Variants in VWA5A observed in about 807,000 individuals in gnomAD.
VWA5A encodes von Willebrand factor A domain-containing protein 5A.
VWA5A carries 77 observed loss-of-function variants against 84.6 expected under a neutral mutation model. The ratio of observed to expected loss-of-function variants is 0.91; its 90% CI spans 0.76 to 1.10. VWA5A has a LOEUF of 1.10. Ranked by LOEUF, VWA5A falls within the 50% of genes least tolerant of loss-of-function variation. The pLI, the probability that VWA5A is intolerant of heterozygous loss-of-function variation, is 0.00. For missense variants in VWA5A, 973 were observed against 963.0 expected (o/e 1.01, Z -0.14); for synonymous variants, 334 against 350.1 (o/e 0.95, Z 0.51).
chr11:124,134,524 A>T (rs549952512), intron 11 of VWA5A, among the ~76,000 whole-genome samples: 2 of 152,340 alleles, frequency 1.3e-5, no homozygotes, highest in Admixed American at 6.5e-5. Flanking sequence ...TGGTACCAGC[A>T]CATCATTAGG....
intron 11 of VWA5A, among the ~76,000 whole-genome samples, chr11:124,134,671 C>T (rs576105798): frequency 3.2e-4 from 49 of 152,232 alleles, no homozygotes; most frequent in African/African-American, 1.2e-3. Flanking sequence ...TTTCCTGGGC[C>T]TCCATTTCTT....
intron 15 of VWA5A, among the ~76,000 whole-genome samples, chr11:124,139,762 C>G (rs567929422): frequency 9.3e-4 from 141 of 151,842 alleles, no homozygotes; most frequent in South Asian, 2.5e-3. Context: ...AGTTTAACTT[C>G]CTCTTTTCCA....
intron 18 of VWA5A, 145 bp downstream of exon 18, chr11:124,145,508 C>A: frequency 7.9e-7 from 1 of 1,263,668 alleles, no homozygotes; most frequent in African/African-American, 1.5e-5. Context: ...CTTGGGAGGA[C>A]AAGGGTGAAA....
At chr11:124,139,869 C>T (rs1432353099) in intron 15 of VWA5A, among the ~76,000 whole-genome samples, 1 of 152,058 alleles carries the variant, frequency 6.6e-6, no homozygotes, top group Non-Finnish European at 1.5e-5. Context: ...GCATCCTTGT[C>T]TTGTTTCTGA....
rs188787440 is a variant in VWA5A, at chr11:124,146,560, C to T, written c.*615C>T. 2 of 152,494 alleles carry T rather than the reference C, an allele frequency of 1.3e-5. No individual in the cohort carries two copies. Among genetic ancestry groups the T allele is most frequent in the Non-Finnish European group, 2.9e-5 (2 of 68,218 alleles). The allele number at this position is 152,494 out of a possible 1,614,324, so 9.4% of individuals were successfully genotyped here. On this transcript the variant is annotated 3_prime_UTR_variant, in exon 19 of 19. Coordinates refer to ENST00000456829, the MANE Select transcript of VWA5A (RefSeq NM_001130142.2). ...AACCTACATGTCTTTTCTTCCACTGCCTGAAAGACTTGGGTTGAACTATAA... is the reference window on the plus strand; with the variant it reads ...AACCTACATGTCTTTTCTTCCACTGTCTGAAAGACTTGGGTTGAACTATAA...
chr11:124,130,577 G>T (rs1865081743), intron 11 of VWA5A, among the ~76,000 whole-genome samples: 2 of 152,090 alleles, frequency 1.3e-5, no homozygotes, highest in Non-Finnish European at 2.9e-5. Flanking sequence ...TGAAAGTGGG[G>T]TGTTAAAGTC....
chr11:124,140,873 T>C (rs7103676), intron 15 of VWA5A, among the ~76,000 whole-genome samples: 24,593 of 152,206 alleles, frequency 0.16, 2,283 homozygotes, highest in African/African-American at 0.27. Context: ...CAGGCATGAA[T>C]CTCTGTGCCC....
chr11:124,118,088 C>T (rs1864864543), intron 4 of VWA5A, 101 bp from the exon 5 acceptor site: 13 of 1,354,662 alleles, frequency 9.6e-6, no homozygotes, highest in Non-Finnish European at 1.3e-5. Flanking sequence ...TGTGATTAGA[C>T]AAGACCAATC....
intron 11 of VWA5A, among the ~76,000 whole-genome samples, chr11:124,130,496 A>G (rs537683865): frequency 2.0e-5 from 3 of 152,176 alleles, no homozygotes; most frequent in South Asian, 2.1e-4. Flanking sequence ...TATTAGCTTC[A>G]CTTGGTCCAG....
intron 15 of VWA5A, among the ~76,000 whole-genome samples, chr11:124,138,002 G>A (rs1341567919): frequency 1.3e-5 from 2 of 152,180 alleles, no homozygotes; most frequent in Admixed American, 6.5e-5. Context: ...GGGACTACAG[G>A]TGCATGCCAC....
At chr11:124,124,538 A>G in intron 11 of VWA5A, 1 of 1,287,140 alleles carries the variant, frequency 7.8e-7, no homozygotes, top group Non-Finnish European at 9.8e-7. Context: ...TTTCTAAACT[A>G]CAACGAACAC....
chr11:124,123,327 CCT>C (rs746527354), intron 8 of VWA5A, 37 bp from the exon 9 acceptor site: 2 of 1,584,238 alleles, frequency 1.3e-6, no homozygotes, highest in African/African-American at 2.7e-5. Context: ...TTTTGGCGAG[CCT>C]CTCTCACTCT....
chr11:124,134,944 A>G lies in VWA5A; in HGVS notation c.1269A>G (p.Glu423=). The G allele has an allele frequency of 1.2e-6, 2 of 1,613,318 alleles. No homozygotes were observed. Among genetic ancestry groups the G allele is most frequent in the Non-Finnish European group, 8.5e-7 (1 of 1,179,680 alleles). The part of the protein sequence containing the change: ...KHRCFSFGIG[E]GTSTSLIKGI... ...GGTGTTTCTCATTTGGTATTGGAGA[A>G]GGCACCTCCACCAGCCTAATAAAAG... The change falls in exon 12 of 19, where the codon GAA becomes GAG. Residue 423 remains glutamate, a synonymous_variant. Coordinates refer to ENST00000456829, the MANE Select transcript of VWA5A (RefSeq NM_001130142.2).
intron 8 of VWA5A, 102 bp downstream of exon 8, chr11:124,123,231 C>T: frequency 1.3e-6 from 2 of 1,522,770 alleles, no homozygotes; most frequent in South Asian, 1.3e-5. Context: ...GCAGCACGAC[C>T]ACCCTGAGGC....
rs773675801 is a variant in VWA5A at position 124,119,047 on chromosome 11, C to T, written c.718C>T (p.Pro240Ser). ...LLIYYNEVHT[P>S]SVVLEMGMPN... is the part of the protein sequence containing the mutation. ...GATTTACTACAATGAGGTGCATACC[C>T]CCAGCGTGGTTTTGGAGATGGGGAT... Residue 240 changes from proline to serine, a missense_variant, in exon 7 of 19, where the codon CCC becomes TCC. Coordinates refer to ENST00000456829, the MANE Select transcript of VWA5A (RefSeq NM_001130142.2). The T allele has an allele frequency of 3.7e-6, 6 of 1,614,210 alleles. No homozygotes were observed. The Admixed American group carries it at 6.7e-5, about 18-fold the overall frequency.
intron 2 of VWA5A, among the ~76,000 whole-genome samples, chr11:124,116,945 A>G (rs1864840901): frequency 2.0e-5 from 3 of 152,186 alleles, no homozygotes; most frequent in Admixed American, 2.0e-4. Context: ...TCTCACATGC[A>G]GCGCGTCTCT....
At chr11:124,144,949 C>A (rs1860792402) in intron 17 of VWA5A, among the ~76,000 whole-genome samples, 1 of 152,032 alleles carries the variant, frequency 6.6e-6, no homozygotes, top group Non-Finnish European at 1.5e-5. Context: ...GCAGTTTTGC[C>A]TGTGTTTCTC....
intron 11 of VWA5A, among the ~76,000 whole-genome samples, chr11:124,126,274 A>AC (rs1865017181): frequency 6.6e-6 from 1 of 152,146 alleles, no homozygotes; most frequent in Non-Finnish European, 1.5e-5. Context: ...AAAAAAGGAA[A>AC]CCTATTGGTA....
chr11:124,127,097 G>C (rs1381991788), intron 11 of VWA5A, among the ~76,000 whole-genome samples: 1 of 152,136 alleles, frequency 6.6e-6, no homozygotes, highest in African/African-American at 2.4e-5. Flanking sequence ...GTATACATGT[G>C]CCATGGTGGT....
Sources: allele counts gnomAD v4.1 joint callset (sites outside exome capture counted in the v4.1 genomes callset), GRCh38; gene constraint gnomAD v4.1.1; transcripts MANE v1.5; gene names NCBI Gene and HGNC (gene_info 2026-07-23, HGNC 2026-07-21).